FNDC3A: variants seen among roughly 807,000 people sequenced by gnomAD.
FNDC3A encodes fibronectin type III domain containing 3A.
A neutral mutation model predicts 148.9 loss-of-function variants in FNDC3A; 32 were observed. The ratio of observed to expected loss-of-function variants is 0.21; its 90% CI spans 0.16 to 0.29. The LOEUF (loss-of-function observed/expected upper bound fraction) is 0.29, where lower values mean the gene tolerates loss of function less well. Ranked by LOEUF, FNDC3A falls within the 10% of genes least tolerant of loss-of-function variation. FNDC3A has a pLI of 1.00. For missense variants in FNDC3A, 1,191 were observed against 1,452.8 expected, an observed-to-expected ratio of 0.82 and a Z score of 2.93; for synonymous variants, 472 against 473.6, an observed-to-expected ratio of 1.00 and a Z score of 0.04.
chr13:49,201,590 T>C (rs551961819), intron 23 of FNDC3A, among the ~76,000 whole-genome samples: 1 of 152,278 alleles, frequency 6.6e-6, no homozygotes, highest in African/African-American at 2.4e-5. Context: ...TCATGTCAAA[T>C]TGGGAAATTT....
rs77139937 is a variant in FNDC3A, at chr13:49,109,704, A to C, written c.176-4951A>C. 2.0e-5 allele frequency among the ~76,000 whole-genome samples: 3 copies of C among 152,314 alleles called. No individual in the cohort carries two copies. The East Asian group carries it at 5.8e-4, about 29-fold the overall frequency. On this transcript the variant is annotated intron_variant, in intron 3 of 25. Transcript: ENST00000492622. ...AGAATGCCATCTACTGAGCACCTGCACTTTAATTTAAATCTTAAATTTAAA... is the reference window on the plus strand; with the variant it reads ...AGAATGCCATCTACTGAGCACCTGCCCTTTAATTTAAATCTTAAATTTAAA...
intron 2 of FNDC3A, among the ~76,000 whole-genome samples, chr13:49,047,592 C>CT (rs34579710): frequency 8.6e-5 from 13 of 152,010 alleles, no homozygotes; most frequent in Admixed American, 7.9e-4. Flanking sequence ...ATTTGTATAT[C>CT]TTTGAGAATT....
At chr13:48,979,891 A>G (rs183228110) in intron 1 of FNDC3A, among the ~76,000 whole-genome samples, 1 of 152,282 alleles carries the variant, frequency 6.6e-6, no homozygotes, top group Non-Finnish European at 1.5e-5. Flanking sequence ...GCCAAACAAA[A>G]ACAAGCCATC....
intron 8 of FNDC3A, 83 bp from the exon 9 acceptor site, chr13:49,167,160 TA>T (rs1313675066): frequency 1.4e-6 from 1 of 717,980 alleles, no homozygotes; most frequent in Non-Finnish European, 2.3e-6. Context: ...TTTCATAAAA[TA>T]CTCTAAACTA....
At chr13:49,134,259 T>C (rs925177817) in intron 5 of FNDC3A, among the ~76,000 whole-genome samples, 1 of 152,214 alleles carries the variant, frequency 6.6e-6, no homozygotes, top group South Asian at 2.1e-4. Flanking sequence ...AATATACATA[T>C]AAGTATTTCA....
chr13:48,995,299 T>TTGAGGAC (rs1239759909), intron 1 of FNDC3A, among the ~76,000 whole-genome samples: 2 of 151,808 alleles, frequency 1.3e-5, no homozygotes, highest in African/African-American at 4.8e-5. Context: ...TATTTCTTGA[T>TTGAGGAC]TGAGGACTGC....
At chr13:49,166,188 G>T (rs936435636) in intron 8 of FNDC3A, among the ~76,000 whole-genome samples, 1 of 152,252 alleles carries the variant, frequency 6.6e-6, no homozygotes, top group African/African-American at 2.4e-5. Flanking sequence ...CAGGCTGCTA[G>T]GGAATACCCA....
chr13:49,066,056 A>G lies in FNDC3A; in HGVS notation c.100-9233A>G, dbSNP rs185255314. ...GAGTATATAATAAGTACTATAGTACATTGTTTTGGGTATCTCAGTGACAAG... is the reference window on the plus strand; with the variant it reads ...GAGTATATAATAAGTACTATAGTACGTTGTTTTGGGTATCTCAGTGACAAG... On this transcript the variant is annotated intron_variant, in intron 2 of 25. Transcript: ENST00000492622. Among the ~76,000 whole-genome samples, 202 of 152,280 alleles carry G rather than the reference A, an allele frequency of 1.3e-3. 1 individual carries two copies. Among genetic ancestry groups the G allele is most frequent in the African/African-American group, 4.7e-3 (194 of 41,568 alleles).
At chr13:49,025,391 A>G (rs1222546092) in intron 2 of FNDC3A, among the ~76,000 whole-genome samples, 8 of 152,082 alleles carry the variant, frequency 5.3e-5, no homozygotes, top group Admixed American at 3.3e-4. Context: ...TGAGTAATCT[A>G]TTACATTCTA....
chr13:49,115,860 A>G (rs1261614069), intron 4 of FNDC3A, among the ~76,000 whole-genome samples: 1 of 152,216 alleles, frequency 6.6e-6, no homozygotes, highest in Admixed American at 6.5e-5. Flanking sequence ...CCTGCTTTCC[A>G]GCCTGGTCCT....
At chr13:49,159,745 G>A (rs913799886) in intron 8 of FNDC3A, among the ~76,000 whole-genome samples, 6 of 152,300 alleles carry the variant, frequency 3.9e-5, no homozygotes, top group African/African-American at 1.4e-4. Flanking sequence ...GTATGATACT[G>A]GCTGTGGGTT....
intron 3 of FNDC3A, among the ~76,000 whole-genome samples, chr13:49,092,187 A>G (rs780487571): frequency 6.6e-6 from 1 of 152,214 alleles, no homozygotes; most frequent in East Asian, 1.9e-4. Flanking sequence ...CTTGCACAGC[A>G]GCCTGGACCT....
In FNDC3A at chr13:49,200,814, T is replaced by C. The variant is rs530658485; in HGVS notation, c.2988-986T>C. Among the ~76,000 whole-genome samples, 21 of 152,232 alleles carry C rather than the reference T, an allele frequency of 1.4e-4. No homozygotes were observed. In the South Asian group the frequency reaches 4.4e-3, roughly 32 times the overall value. ...ATTAAATCAATTTAATATCTTTGAT[T>C]ACTTTCATTCCCTTTGATTTTCACA... On this transcript the variant is annotated intron_variant, in intron 23 of 25. Coordinates refer to ENST00000492622, the MANE Select transcript of FNDC3A (RefSeq NM_001079673.2).
At position 49,196,954 on chromosome 13, in the gene FNDC3A, A is replaced by G. The variant is rs368937909; in HGVS notation, c.2304A>G (p.Thr768=). 9.3e-6 allele frequency: 15 copies of G among 1,611,834 alleles called. No individual in the cohort carries two copies. Among genetic ancestry groups the G allele is most frequent in the African/African-American group, 1.3e-5 (1 of 74,794 alleles). Residue 768 remains threonine (T), a synonymous_variant, in exon 20 of 26, where the codon ACA becomes ACG. Coordinates refer to ENST00000492622, the MANE Select transcript of FNDC3A (RefSeq NM_001079673.2). ...PPDQCKPPQV[T]CRSATCAQVN... ...ATCAGTGCAAGCCCCCTCAAGTGAC[A>G]TGTAGATCTGCAACTTGTGCACAAG...
In FNDC3A at chr13:49,205,577, T is replaced by C. The variant is rs1171193797; in HGVS notation, c.3283-1504T>C. ...GATTTTTGGGTTTGGAATGCTCAAC[T>C]AGTAAATATGCAACTATTCCAAAAT... is the stretch of plus-strand genomic sequence containing the variant. On this transcript the variant is annotated intron_variant, in intron 25 of 25. Transcript: ENST00000492622. Among the ~76,000 whole-genome samples, 3 of 152,148 alleles carry C rather than the reference T, an allele frequency of 2.0e-5. No individual in the cohort carries two copies. In the East Asian group the frequency reaches 5.8e-4, roughly 29 times the overall value.
chr13:49,165,552 A>T (rs933086437), intron 8 of FNDC3A, among the ~76,000 whole-genome samples: 2 of 151,988 alleles, frequency 1.3e-5, no homozygotes, highest in African/African-American at 4.8e-5. Flanking sequence ...GGGCCTCAGT[A>T]GGGGCAGCAG....
At chr13:49,180,241 C>T (rs1489033115) in intron 14 of FNDC3A, among the ~76,000 whole-genome samples, 1 of 152,124 alleles carries the variant, frequency 6.6e-6, no homozygotes, top group Non-Finnish European at 1.5e-5. Flanking sequence ...AATTTTCCTG[C>T]CAGTGCTTAT....
chr13:49,006,327 A>G lies in FNDC3A; in HGVS notation c.99+38A>G, dbSNP rs142032773. ...AAATGTTTATTTCTTTATGTCTAAT[A>G]CACATGTATTTATGCAAAATTTAAA... On this transcript the variant is annotated intron_variant, in intron 2 of 25. Transcript: ENST00000492622. The G allele has an allele frequency of 1.6e-4, 200 of 1,213,998 alleles. 2 individuals are homozygous for G. The East Asian group carries it at 4.8e-3, about 29-fold the overall frequency. The allele number at this position is 1,213,998 out of a possible 1,614,324, so 75.2% of individuals were successfully genotyped here.
In FNDC3A at chr13:49,136,320, A is replaced by T; in HGVS notation, c.491-12A>T. The T allele has an allele frequency of 1.3e-6, 2 of 1,597,490 alleles. No homozygotes were observed. The highest frequency in any genetic ancestry group is 1.7e-6 in the Non-Finnish European group (2 of 1,170,076). On this transcript the variant is annotated splice_polypyrimidine_tract_variant and intron_variant, in intron 5 of 25. Coordinates refer to ENST00000492622, the MANE Select transcript of FNDC3A (RefSeq NM_001079673.2). ...GTGATCTTCTTAACATTTTGTTTTT[A>T]TTGCCTCCTAGATGCTCACTCTACA...
Sources: allele counts gnomAD v4.1 joint callset (sites outside exome capture counted in the v4.1 genomes callset), GRCh38; gene constraint gnomAD v4.1.1; transcripts MANE v1.5; gene names NCBI Gene and HGNC (gene_info 2026-07-23, HGNC 2026-07-21).